GNA15: variants seen among roughly 807,000 people sequenced by gnomAD.
The protein encoded by GNA15 is G protein subunit alpha 15.
A neutral mutation model predicts 40.1 loss-of-function variants in GNA15; 23 were observed. The ratio of observed to expected loss-of-function variants is 0.57; its 90% CI spans 0.41 to 0.81. GNA15 has a LOEUF of 0.81. Ranked by LOEUF, GNA15 falls within the 40% of genes least tolerant of loss-of-function variation. The pLI is 0.00. For missense variants in GNA15, 522 were observed against 515.8 expected, an observed-to-expected ratio of 1.01 and a Z score of -0.12; for synonymous variants, 226 against 210.4, an observed-to-expected ratio of 1.07 and a Z score of -0.64.
At chr19:3,147,903 A>AG (rs1305895082) in intron 1 of GNA15, among the ~76,000 whole-genome samples, 5 of 151,076 alleles carry the variant, frequency 3.3e-5, no homozygotes, top group African/African-American at 7.3e-5. Flanking sequence ...AAAAAAAAAA[A>AG]AGAAGAGAAA....
chr19:3,141,094 G>T (rs1009766725), intron 1 of GNA15, among the ~76,000 whole-genome samples: 3 of 143,042 alleles, frequency 2.1e-5, no homozygotes, highest in Non-Finnish European at 3.2e-5. Context: ...TGGCAAAAAG[G>T]ACCAGGGTGG....
At chr19:3,150,424 C>T (rs765464915) in intron 3 of GNA15, 139 bp downstream of exon 3, 192 of 703,596 alleles carry the variant, frequency 2.7e-4, no homozygotes, top group Non-Finnish European at 3.7e-4. Context: ...GAGGTCCTTC[C>T]AGGGGGACCC....
Position 3,136,466 on chromosome 19 carries a change from A to T in GNA15, c.16A>T (p.Thr6Ser). MARSLTWRCCPWCLTE... is the reference protein window; with the variant it reads MARSLSWRCCPWCLTE... The stretch of plus-strand genomic sequence containing the variant: ...CCACCGCACCATGGCCCGCTCGCTG[A>T]CCTGGCGCTGCTGCCCCTGGTGCCT... Residue 6 changes from threonine (T) to serine (S), a missense_variant, in exon 1 of 7, where the codon ACC becomes TCC. Transcript: ENST00000262958. The surrounding 1 kb of genome is among the most constrained non-coding windows in gnomAD (Gnocchi z 4.9). 1 of 1,550,696 alleles carries T rather than the reference A, an allele frequency of 6.4e-7. No homozygotes were observed. Among genetic ancestry groups the T allele is most frequent in the South Asian group, 1.2e-5 (1 of 84,064 alleles).
intron 1 of GNA15, among the ~76,000 whole-genome samples, chr19:3,138,238 C>A (rs1159705288): frequency 2.0e-5 from 3 of 152,150 alleles, no homozygotes; most frequent in African/African-American, 7.2e-5. Context: ...TGCACCCCAG[C>A]CTGGGCAACA....
Position 3,150,265 on chromosome 19 carries a change from C to T in GNA15, c.465C>T (p.His155=), listed in dbSNP as rs1290504660. The T allele has an allele frequency of 6.2e-7, 1 of 1,600,076 alleles. No individual in the cohort carries two copies. The highest frequency in any genetic ancestry group is 1.3e-5 in the African/African-American group (1 of 74,700). Reference sequence around the variant, plus strand: ...GCTATGAGCGTCGGCGGGAATTCCACCTGCTCGATTCAGCCGTGTAGTGAG... The same window carrying T: ...GCTATGAGCGTCGGCGGGAATTCCATCTGCTCGATTCAGCCGTGTAGTGAG... ...RACYERRREF[H]LLDSAVYYLS... Residue 155 remains histidine, a synonymous_variant, in exon 3 of 7, where the codon CAC becomes CAT. Coordinates refer to ENST00000262958, the MANE Select transcript of GNA15 (RefSeq NM_002068.4).
chr19:3,145,359 A>ATATTTTTTTTT, intron 1 of GNA15, among the ~76,000 whole-genome samples: 10 of 46,968 alleles, frequency 2.1e-4, no homozygotes, highest in African/African-American at 9.2e-4. Flanking sequence ...ATATATATAT[A>ATATTTTTTTTT]TTTTTTTTTT....
chr19:3,147,802 G>A (rs1914767157), intron 1 of GNA15, among the ~76,000 whole-genome samples: 2 of 149,016 alleles, frequency 1.3e-5, no homozygotes, highest in Non-Finnish European at 3.0e-5. Flanking sequence ...GCAGGAGAAT[G>A]GTGTGAACCC....
intron 2 of GNA15, chr19:3,149,891 G>C (rs1454077943): frequency 2.2e-6 from 1 of 457,160 alleles, no homozygotes; most frequent in Non-Finnish European, 3.9e-6. Context: ...GCTCGCCCGA[G>C]CACATGTGCC....
intron 4 of GNA15, among the ~76,000 whole-genome samples, chr19:3,152,622 G>A (rs1007906195): frequency 6.6e-6 from 1 of 152,156 alleles, no homozygotes; most frequent in Non-Finnish European, 1.5e-5. Flanking sequence ...GGAAAGGAAA[G>A]GTCAAGAATA....
chr19:3,156,488 G>A (rs1394688841), intron 5 of GNA15, among the ~76,000 whole-genome samples: 1 of 150,966 alleles, frequency 6.6e-6, no homozygotes, highest in East Asian at 1.9e-4. Flanking sequence ...GCACACACAG[G>A]CACACAGGCA....
intron 1 of GNA15, among the ~76,000 whole-genome samples, chr19:3,139,933 G>A (rs1429584531): frequency 6.6e-6 from 1 of 151,692 alleles, no homozygotes; most frequent in Non-Finnish European, 1.5e-5. Flanking sequence ...ACTTGGGAGG[G>A]TGAGGCAGGA....
At chr19:3,138,951 TTTTC>T (rs1281631661) in intron 1 of GNA15, among the ~76,000 whole-genome samples, 5 of 138,978 alleles carry the variant, frequency 3.6e-5, no homozygotes, top group South Asian at 2.3e-4. Context: ...TTTTTTTTTT[TTTTC>T]TTTTTTTTTA....
chr19:3,157,378 T>G lies in GNA15; in HGVS notation c.745-350T>G, dbSNP rs867780628. On this transcript the variant is annotated intron_variant, in intron 5 of 6. Coordinates refer to ENST00000262958, the MANE Select transcript of GNA15 (RefSeq NM_002068.4). The stretch of plus-strand genomic sequence containing the variant: ...CTAGTATTGCCTCACCTTAACGACC[T>G]CTTCAAAGACCCTATCTCCAGGCCA... 8.5e-5 allele frequency among the ~76,000 whole-genome samples: 13 copies of G among 152,222 alleles called. No individual in the cohort carries two copies. In the Middle Eastern group the frequency reaches 0.01, roughly 119 times the overall value.
rs565689876 is a variant in GNA15 at position 3,155,672 on chromosome 19, C to A, written c.615-151C>A. 1 of 852,514 alleles carries A rather than the reference C, an allele frequency of 1.2e-6. No homozygotes were observed. The highest frequency in any genetic ancestry group is 1.8e-6 in the Non-Finnish European group (1 of 550,846). 52.8% of individuals were successfully genotyped at this position (852,514 alleles called of 1,614,324 possible). A position where few individuals can be genotyped will look rare whatever the true frequency, so the allele number is the denominator to read the frequency against. On this transcript the variant is annotated intron_variant, in intron 4 of 6. Transcript: ENST00000262958. This position sits in a 1 kb window ranked among gnomAD's most constrained non-coding sequence, Gnocchi z 5.6. ...ATGGGCGTAAGACTCATCCTTGCCT[C>A]GCGGGAATGACATGGCAAATCCACG...
chr19:3,145,790 T>C (rs935301958), intron 1 of GNA15, among the ~76,000 whole-genome samples: 3 of 150,314 alleles, frequency 2.0e-5, no homozygotes, highest in Admixed American at 6.7e-5. Flanking sequence ...TCAAGTGATC[T>C]GGCCACCTCA....
chr19:3,145,359 A>ATATATATATTTTTTT, intron 1 of GNA15, among the ~76,000 whole-genome samples: 6 of 46,970 alleles, frequency 1.3e-4, no homozygotes, highest in African/African-American at 5.5e-4. Context: ...ATATATATAT[A>ATATATATATTTTTTT]TTTTTTTTTT....
At chr19:3,156,468 GCA>G (rs200170743) in intron 5 of GNA15, among the ~76,000 whole-genome samples, 10,014 of 139,628 alleles carry the variant, frequency 0.072, 630 homozygotes, top group African/African-American at 0.17. Flanking sequence ...GCACACACAG[GCA>G]CACACACGCA....
Position 3,162,756 on chromosome 19 carries a change from G to T in GNA15, c.899-37G>T, listed in dbSNP as rs1024556223. 6 of 1,459,410 alleles carry T rather than the reference G, an allele frequency of 4.1e-6. No individual in the cohort carries two copies. In the Admixed American group the frequency reaches 6.7e-5, roughly 16 times the overall value. The allele number at this position is 1,459,410 out of a possible 1,614,324, so 90.4% of individuals were successfully genotyped here. A position where few individuals can be genotyped will look rare whatever the true frequency, so the allele number is the denominator to read the frequency against. ...CCAGAGGCCCCCTGGGTCCAAAGAG[G>T]GAGGGTCCTCACCCCCTTCCCACAC... On this transcript the variant is annotated intron_variant, in intron 6 of 6. Coordinates refer to ENST00000262958, the MANE Select transcript of GNA15 (RefSeq NM_002068.4).
At chr19:3,149,040 C>CATAT (rs59480394) in intron 2 of GNA15, 113 of 470,686 alleles carry the variant, frequency 2.4e-4, no homozygotes, top group East Asian at 7.3e-4. Flanking sequence ...AGGACACACA[C>CATAT]GTACATGCTC....
Sources: gnomAD v4.1 joint callset for allele counts (sites outside exome capture counted in the v4.1 genomes callset) on GRCh38, gnomAD v4.1.1 for gene constraint, Gnocchi (gnomAD v3.1) non-coding constraint, MANE v1.5 for transcripts, NCBI Gene and HGNC (gene_info 2026-07-23, HGNC 2026-07-21) for gene names.